TENM4: variants seen among roughly 807,000 people sequenced by gnomAD.
The protein encoded by TENM4 is teneurin transmembrane protein 4, also known as teneurin-4.
Under a neutral mutation model 243.3 loss-of-function variants are expected in TENM4, and 82 were observed. That is an observed-to-expected ratio of 0.34 (90% CI 0.28 to 0.40). The LOEUF (loss-of-function observed/expected upper bound fraction) is 0.40, where lower values mean the gene tolerates loss of function less well. Ranked by LOEUF, TENM4 falls within the 10% of genes least tolerant of loss-of-function variation. TENM4 has a pLI of 1.00. For synonymous variants in TENM4, 1,412 were observed against 1,456.3 expected (o/e 0.97, Z 0.69); for missense variants, 3,138 against 3,673.3 (o/e 0.85, Z 3.77).
chr11:79,315,297 C>T (rs1378198733), intron 1 of TENM4, among the ~76,000 whole-genome samples: 2 of 152,188 alleles, frequency 1.3e-5, no homozygotes, highest in African/African-American at 4.8e-5. Context: ...TCCCCTACTC[C>T]TCAGCTGGGG....
chr11:79,372,300 C>T (rs41513944), intron 1 of TENM4, among the ~76,000 whole-genome samples: 42,135 of 152,034 alleles, frequency 0.28, 6,002 homozygotes, highest in Middle Eastern at 0.34. Context: ...ATGGCAGAAC[C>T]ATTTTCTTTT....
At chr11:78,946,378 A>G (rs1857002324) in intron 6 of TENM4, among the ~76,000 whole-genome samples, 1 of 152,220 alleles carries the variant, frequency 6.6e-6, no homozygotes, top group South Asian at 2.1e-4. Context: ...TTTTAAGCCC[A>G]TTGTTGAGAG....
Position 79,313,235 on chromosome 11 carries a change from T to A in TENM4, c.-320-15692A>T, listed in dbSNP as rs549731704. 2.6e-5 allele frequency among the ~76,000 whole-genome samples: 4 copies of A among 152,270 alleles called. No homozygotes were observed. In the East Asian group the frequency reaches 5.8e-4, roughly 22 times the overall value. On this transcript the variant is annotated intron_variant, in intron 1 of 33. Transcript: ENST00000278550. ...AATGCTATTCCAAAGCCAAGTGAAA[T>A]TAATCCTTTCACTTATTTATTCCCA...
At chr11:78,849,720 T>C (rs976150601) in intron 12 of TENM4, among the ~76,000 whole-genome samples, 2 of 152,344 alleles carry the variant, frequency 1.3e-5, no homozygotes, top group South Asian at 4.1e-4. Flanking sequence ...CGCAAATTCA[T>C]GTCCTAACTT....
intron 15 of TENM4, among the ~76,000 whole-genome samples, chr11:78,794,372 G>A (rs1490241404): frequency 2.0e-5 from 3 of 152,238 alleles, no homozygotes; most frequent in Non-Finnish European, 4.4e-5. Flanking sequence ...GAAGCAGGCA[G>A]GATAATGGGG....
At chr11:79,144,124 A>T (rs1335851993) in intron 4 of TENM4, among the ~76,000 whole-genome samples, 1 of 152,104 alleles carries the variant, frequency 6.6e-6, no homozygotes, top group South Asian at 2.1e-4. Context: ...TAATAATTTG[A>T]TTAAAAAGTA....
At chr11:78,689,425 T>C (rs1858764058) in intron 28 of TENM4, among the ~76,000 whole-genome samples, 1 of 152,054 alleles carries the variant, frequency 6.6e-6, no homozygotes, top group Non-Finnish European at 1.5e-5. Context: ...TATTCCTGAC[T>C]GACTTGCTGG....
At chr11:79,379,924 C>T (rs370851674) in intron 1 of TENM4, among the ~76,000 whole-genome samples, 1 of 152,130 alleles carries the variant, frequency 6.6e-6, no homozygotes, top group Non-Finnish European at 1.5e-5. Context: ...ACTGGCTTGT[C>T]AGGGGCTGGG....
chr11:78,747,014 A>T (rs1856065900), intron 19 of TENM4, among the ~76,000 whole-genome samples: 1 of 152,174 alleles, frequency 6.6e-6, no homozygotes. Flanking sequence ...CTTCATGGGG[A>T]AGGGGCTGAT....
intron 1 of TENM4, among the ~76,000 whole-genome samples, chr11:79,421,945 C>G (rs1411871430): frequency 6.6e-6 from 1 of 152,122 alleles, no homozygotes; most frequent in African/African-American, 2.4e-5. Flanking sequence ...GCAGATACCC[C>G]TTTCAAGAGG....
intron 29 of TENM4, among the ~76,000 whole-genome samples, chr11:78,683,568 G>A (rs2135708483): frequency 7.7e-6 from 1 of 129,174 alleles, no homozygotes; most frequent in African/African-American, 3.1e-5. Context: ...CCCTTTCTTT[G>A]ACTCGGAAAG....
At chr11:78,742,582 T>C (rs1855953903) in intron 19 of TENM4, among the ~76,000 whole-genome samples, 1 of 152,174 alleles carries the variant, frequency 6.6e-6, no homozygotes, top group South Asian at 2.1e-4. Context: ...GTCAGGCAGC[T>C]GGGATATAAA....
chr11:79,027,654 G>A (rs1340854754), intron 6 of TENM4, among the ~76,000 whole-genome samples: 4 of 152,084 alleles, frequency 2.6e-5, no homozygotes, highest in Admixed American at 6.6e-5. Context: ...ACCTCCTCTC[G>A]AATCCATATC....
At chr11:78,959,948 T>C (rs930144083) in intron 6 of TENM4, among the ~76,000 whole-genome samples, 13 of 151,414 alleles carry the variant, frequency 8.6e-5, no homozygotes, top group East Asian at 7.7e-4. Context: ...CACACACACA[T>C]ATATATATAT....
chr11:78,659,249 A>G (rs895107024), intron 33 of TENM4, among the ~76,000 whole-genome samples: 1 of 152,234 alleles, frequency 6.6e-6, no homozygotes, highest in South Asian at 2.1e-4. Context: ...CAGCCAAATA[A>G]TTACCACTCA....
rs1862240847 is a variant in TENM4, at chr11:79,139,769, A to ATATAT, written c.-66+8940_-66+8941insATATA. 1.4e-4 allele frequency among the ~76,000 whole-genome samples: 5 copies of ATATAT among 36,560 alleles called. No homozygotes were observed. In the East Asian group the frequency reaches 2.5e-3, roughly 18 times the overall value. 24.0% of individuals were successfully genotyped at this position (36,560 alleles called of 152,430 possible). On this transcript the variant is annotated intron_variant, in intron 4 of 33. Transcript: ENST00000278550. ...TATATAATATATATTATATTTATATAAATATATAATATATATTATATTTAT... is the reference window on the plus strand; with the variant it reads ...TATATAATATATATTATATTTATATATATATAATATATAATATATATTATATTTAT...
chr11:79,275,509 A>G (rs376524515), intron 2 of TENM4, among the ~76,000 whole-genome samples: 5 of 152,302 alleles, frequency 3.3e-5, no homozygotes, highest in African/African-American at 1.2e-4. Flanking sequence ...ACCAATTGAG[A>G]GCAACACAAC....
chr11:79,180,326 G>C (rs1478212651), intron 3 of TENM4, among the ~76,000 whole-genome samples: 1 of 151,642 alleles, frequency 6.6e-6, no homozygotes. Context: ...GACAGTCAAA[G>C]CCTGGAATTA....
intron 28 of TENM4, among the ~76,000 whole-genome samples, chr11:78,694,233 T>G (rs532774204): frequency 1.1e-4 from 16 of 152,356 alleles, no homozygotes; most frequent in East Asian, 3.9e-4. Flanking sequence ...TTGATTTGTA[T>G]GACTTTCATT....
Sources: gnomAD v4.1 joint callset for allele counts (sites outside exome capture counted in the v4.1 genomes callset) on GRCh38, gnomAD v4.1.1 for gene constraint, MANE v1.5 for transcripts, NCBI Gene and HGNC (gene_info 2026-07-23, HGNC 2026-07-21) for gene names.